The following SPTBN1 variants were observed in gnomAD, a reference collection of about 807,000 sequenced individuals.
SPTBN1 encodes spectrin beta, non-erythrocytic 1, also known as spectrin beta chain, non-erythrocytic 1.
SPTBN1 carries 32 observed loss-of-function variants against 266.4 expected under a neutral mutation model. The observed-to-expected ratio is 0.12, with a 90% CI of 0.09 to 0.16. The LOEUF (loss-of-function observed/expected upper bound fraction) is 0.16. Among genes scored for constraint, SPTBN1 ranks in the 10% least tolerant of loss-of-function variants. The pLI is 1.00. For missense variants in SPTBN1, 2,296 were observed against 3,067.1 expected (o/e 0.75, Z 5.94); for synonymous variants, 1,336 against 1,162.2 (o/e 1.15, Z -3.04).
At chr2:54,469,750 C>G (rs1324233234) in intron 1 of SPTBN1, among the ~76,000 whole-genome samples, 2 of 152,184 alleles carry the variant, frequency 1.3e-5, no homozygotes, top group Admixed American at 6.5e-5. Flanking sequence ...ATACCTGTCA[C>G]TATTTCAGGA....
rs748129738 is a variant in SPTBN1 at position 54,645,553 on chromosome 2, G to A, written c.4494+100G>A. ...CTCAGTCATCCTCACCTTGGGCCACGTTGGCAAGCTGAGCTGCCAAAGTCC... is the reference window on the plus strand; with the variant it reads ...CTCAGTCATCCTCACCTTGGGCCACATTGGCAAGCTGAGCTGCCAAAGTCC... On this transcript the variant is annotated intron_variant, in intron 21 of 35. Transcript: ENST00000356805. This position sits in a 1 kb window ranked among gnomAD's most constrained non-coding sequence, Gnocchi z 4.3. The A allele has an allele frequency of 3.6e-5, 47 of 1,319,002 alleles. No individual in the cohort carries two copies. In the East Asian group the frequency reaches 5.8e-4, roughly 16 times the overall value. 81.7% of individuals were successfully genotyped at this position (1,319,002 alleles called of 1,614,324 possible). A position where few individuals can be genotyped will look rare whatever the true frequency, so the allele number is the denominator to read the frequency against.
At chr2:54,570,819 C>G (rs1271098874) in intron 2 of SPTBN1, among the ~76,000 whole-genome samples, 3 of 152,082 alleles carry the variant, frequency 2.0e-5, no homozygotes, top group African/African-American at 4.8e-5. Context: ...TCTTTGAAGG[C>G]CTGCTTTAAA....
At chr2:54,542,528 T>G (rs967701485) in intron 2 of SPTBN1, among the ~76,000 whole-genome samples, 2 of 152,112 alleles carry the variant, frequency 1.3e-5, no homozygotes, top group African/African-American at 2.4e-5. Flanking sequence ...CAGAGGACCC[T>G]CCCCTAGATT....
At chr2:54,483,588 AT>A (rs1668204554) in intron 1 of SPTBN1, among the ~76,000 whole-genome samples, 1 of 152,170 alleles carries the variant, frequency 6.6e-6, no homozygotes, top group South Asian at 2.1e-4. Flanking sequence ...TTCGCTGGAC[AT>A]TAGCACCTCC....
At chr2:54,663,840 A>C (rs1681203175) in intron 32 of SPTBN1, 1 of 152,244 alleles carries the variant, frequency 6.6e-6, no homozygotes. Context: ...TTAAGTTCCA[A>C]AGTCTAACTG....
chr2:54,622,509 GATC>G, intron 9 of SPTBN1, 22 bp downstream of exon 9: 1 of 1,608,084 alleles, frequency 6.2e-7, no homozygotes, highest in Non-Finnish European at 8.5e-7. Context: ...ATTGTAGTGT[GATC>G]ATTAATATGG....
At position 54,649,595 on chromosome 2, in the gene SPTBN1, C is replaced by T. The variant is rs780872160; in HGVS notation, c.5203-20C>T. On this transcript the variant is annotated intron_variant, in intron 25 of 35. Coordinates refer to ENST00000356805, the MANE Select transcript of SPTBN1 (RefSeq NM_003128.3). The surrounding 1 kb of genome is among the most constrained non-coding windows in gnomAD (Gnocchi z 6.7). ...AGTTCACAGTGGGCTCTCTGATTTCCTTACCCATCCCCGTTTCAGATGTTA... is the reference window on the plus strand; with the variant it reads ...AGTTCACAGTGGGCTCTCTGATTTCTTTACCCATCCCCGTTTCAGATGTTA... The T allele has an allele frequency of 3.1e-6, 5 of 1,600,976 alleles. No individual in the cohort carries two copies. In the Admixed American group the frequency reaches 8.4e-5, roughly 27 times the overall value.
At chr2:54,567,062 G>A (rs1007338819) in intron 2 of SPTBN1, among the ~76,000 whole-genome samples, 3 of 152,198 alleles carry the variant, frequency 2.0e-5, no homozygotes, top group African/African-American at 7.2e-5. Flanking sequence ...GCTGTCGTCT[G>A]GTTAAAAAGT....
At chr2:54,648,961 C>A (rs777006702) in intron 24 of SPTBN1, 25 bp from the exon 25 acceptor site, 2 of 1,546,598 alleles carry the variant, frequency 1.3e-6, no homozygotes, top group East Asian at 4.7e-5. Context: ...TCCTTTTTCT[C>A]CCCATTGCTC....
chr2:54,644,209 T>C (rs1256315065), intron 19 of SPTBN1, 114 bp from the exon 20 acceptor site: 1 of 1,303,510 alleles, frequency 7.7e-7, no homozygotes, highest in Non-Finnish European at 1.1e-6. Context: ...AAAGACTGTG[T>C]GTATTGAGTG....
chr2:54,660,038 C>G, intron 32 of SPTBN1, 39 bp downstream of exon 32: 1 of 1,614,218 alleles, frequency 6.2e-7, no homozygotes, highest in Non-Finnish European at 8.5e-7. Flanking sequence ...ACTACAAAAA[C>G]TTTAATAGCA....
intron 1 of SPTBN1, among the ~76,000 whole-genome samples, chr2:54,498,100 T>C (rs779096452): frequency 3.9e-5 from 6 of 152,200 alleles, no homozygotes; most frequent in East Asian, 1.9e-4. Flanking sequence ...AACTTTGTTA[T>C]ATTTCTTAGG....
intron 32 of SPTBN1, chr2:54,661,995 C>A: frequency 2.0e-6 from 2 of 985,438 alleles, no homozygotes; most frequent in Non-Finnish European, 2.4e-6. Context: ...GACGCAGAGA[C>A]TCAGTGAACT....
chr2:54,498,957 A>T (rs1249785671), intron 1 of SPTBN1, among the ~76,000 whole-genome samples: 1 of 88,682 alleles, frequency 1.1e-5, no homozygotes, highest in Non-Finnish European at 2.1e-5. Flanking sequence ...AAAGGTGTAG[A>T]TGTAGACGGA....
At chr2:54,620,638 G>T (rs1048566210) in intron 7 of SPTBN1, among the ~76,000 whole-genome samples, 4 of 152,142 alleles carry the variant, frequency 2.6e-5, no homozygotes, top group African/African-American at 9.7e-5. Context: ...GACAGAGTGA[G>T]ACCCTGTCTC....
At position 54,649,096 on chromosome 2, in the gene SPTBN1, T is replaced by C; in HGVS notation, c.5108T>C (p.Leu1703Pro). ...KLDERHRLFQ[L>P]NREVDDLEQW... ...GATGAGAGACACAGGTTATTCCAGC[T>C]CAACCGGGAGGTGGACGACCTGGAG... Residue 1703 changes from leucine to proline, a missense_variant, in exon 25 of 36, where the codon CTC becomes CCC. Transcript: ENST00000356805. The surrounding 1 kb of genome is among the most constrained non-coding windows in gnomAD (Gnocchi z 6.7). 3.1e-6 allele frequency: 5 copies of C among 1,614,192 alleles called. No homozygotes were observed. The highest frequency in any genetic ancestry group is 4.2e-6 in the Non-Finnish European group (5 of 1,180,018).
chr2:54,602,888 G>A (rs1676592230), intron 3 of SPTBN1, among the ~76,000 whole-genome samples: 1 of 152,170 alleles, frequency 6.6e-6, no homozygotes, highest in South Asian at 2.1e-4. Flanking sequence ...GAACCATACT[G>A]GTACATATTG....
intron 2 of SPTBN1, among the ~76,000 whole-genome samples, chr2:54,574,078 G>T (rs1039395947): frequency 6.6e-6 from 1 of 152,072 alleles, no homozygotes; most frequent in South Asian, 2.1e-4. Context: ...TTTGTTCTCA[G>T]GTCCCCTCAA....
At chr2:54,495,736 G>A (rs1668937559) in intron 1 of SPTBN1, among the ~76,000 whole-genome samples, 1 of 137,812 alleles carries the variant, frequency 7.3e-6, no homozygotes, top group African/African-American at 2.5e-5. Flanking sequence ...AAATATCATT[G>A]TTTTTATTTG....
Sources: gnomAD v4.1 joint callset for allele counts (sites outside exome capture counted in the v4.1 genomes callset) on GRCh38, gnomAD v4.1.1 for gene constraint, Gnocchi (gnomAD v3.1) non-coding constraint, MANE v1.5 for transcripts, NCBI Gene and HGNC (gene_info 2026-07-23, HGNC 2026-07-21) for gene names.